Variants in KIF3A observed in about 807,000 individuals in gnomAD.
The protein encoded by KIF3A is kinesin family member 3A.
KIF3A carries 27 observed loss-of-function variants against 92.6 expected under a neutral mutation model. The ratio of observed to expected loss-of-function variants is 0.29; its 90% CI spans 0.21 to 0.40. The LOEUF (loss-of-function observed/expected upper bound fraction) is 0.40, where lower values mean the gene tolerates loss of function less well. KIF3A is among the 10% of genes least tolerant of loss of function. KIF3A has a pLI of 1.00. For synonymous variants in KIF3A, 250 were observed against 275.4 expected, an observed-to-expected ratio of 0.91 and a Z score of 0.92; for missense variants, 581 against 872.6, an observed-to-expected ratio of 0.67 and a Z score of 4.21.
intron 10 of KIF3A, among the ~76,000 whole-genome samples, chr5:132,708,281 CAAAAAAAA>C (rs58058674): frequency 1.5e-5 from 1 of 66,480 alleles, no homozygotes; most frequent in Non-Finnish European, 3.6e-5. Context: ...GACTCCGTCT[CAAAAAAAA>C]AAAAAAAAAA....
At position 132,726,429 on chromosome 5, in the gene KIF3A, G is replaced by A; in HGVS notation, c.350C>T (p.Pro117Leu). ...ATTGGGAATTATTCCTCTAAGTTCAGGAATAGCTCGAACACCTTCCATGGT... is the reference window on the plus strand; with the variant it reads ...ATTGGGAATTATTCCTCTAAGTTCAAGAATAGCTCGAACACCTTCCATGGT... The part of the protein sequence containing the change: ...TFTMEGVRAI[P>L]ELRGIIPNSF... Residue 117 changes from proline (P) to leucine (L), a missense_variant, in exon 3 of 19, where the codon CCT (proline) becomes CTT (leucine). Around this residue, in one of 5 missense-constraint regions of KIF3A, gnomAD observed 217 missense variants for 299.7 expected, o/e 0.72. Transcript: ENST00000403231. 1 of 1,613,692 alleles carries A rather than the reference G, an allele frequency of 6.2e-7. No homozygotes were observed.
intron 12 of KIF3A, 34 bp from the exon 13 acceptor site, chr5:132,703,099 T>C (rs764753425): frequency 4.0e-6 from 6 of 1,517,564 alleles, no homozygotes; most frequent in Non-Finnish European, 5.3e-6. Context: ...CTATATTCAC[T>C]GATGATCTAT....
chr5:132,700,590 C>G, intron 16 of KIF3A, 57 bp downstream of exon 16: 1 of 1,210,844 alleles, frequency 8.3e-7, no homozygotes, highest in Non-Finnish European at 1.2e-6. Flanking sequence ...AGCACAATTT[C>G]TAGACCATAG....
chr5:132,723,329 C>A (rs1753891191), intron 4 of KIF3A: 1 of 152,180 alleles, frequency 6.6e-6, no homozygotes, highest in Admixed American at 6.5e-5. Flanking sequence ...CAAAAAAGAG[C>A]CCGCATTGCC....
rs1376952407 is a variant in KIF3A, at chr5:132,696,561, C to G, written c.*73G>C. 8.3e-6 allele frequency: 7 copies of G among 844,760 alleles called. No individual in the cohort carries two copies. In the East Asian group the frequency reaches 1.7e-4, roughly 21 times the overall value. 52.3% of individuals were successfully genotyped at this position (844,760 alleles called of 1,614,324 possible). A position where few individuals can be genotyped will look rare whatever the true frequency, so the allele number is the denominator to read the frequency against. Reference sequence around the variant, plus strand: ...AATTGAAATTATAGAGAAGTCTTCACTGTTTTAATTAAAGATTTTGTCCAG... The same window carrying G: ...AATTGAAATTATAGAGAAGTCTTCAGTGTTTTAATTAAAGATTTTGTCCAG... On this transcript the variant is annotated 3_prime_UTR_variant, in exon 19 of 19. Coordinates refer to ENST00000403231, the MANE Select transcript of KIF3A (RefSeq NM_001300791.2).
downstream of KIF3A, among the ~76,000 whole-genome samples, chr5:132,691,988 T>TA (rs963411309): frequency 8.1e-5 from 12 of 148,096 alleles, no homozygotes; most frequent in Admixed American, 2.7e-4. Context: ...AAAATTTAAT[T>TA]AAAAAAAAAG....
intron 11 of KIF3A, 125 bp downstream of exon 11, chr5:132,706,326 A>T: frequency 1.8e-6 from 1 of 547,124 alleles, no homozygotes; most frequent in Non-Finnish European, 2.9e-6. Flanking sequence ...TGTTAAAAAT[A>T]CAAAAGATAG....
At chr5:132,732,342 T>C (rs1461481056) in intron 2 of KIF3A, among the ~76,000 whole-genome samples, 1 of 152,212 alleles carries the variant, frequency 6.6e-6, no homozygotes, top group Non-Finnish European at 1.5e-5. Flanking sequence ...TAAACATATG[T>C]TCACACAAAA....
Position 132,710,960 on chromosome 5 carries a change from C to T in KIF3A, c.1227G>A (p.Arg409=). The part of the protein sequence containing the change: ...GEDGEKRKKR[R]GSSSSSSSDS... ...ATCAGATTACTAAACAGAACTTACCCCTTCTTTTTTTCCTTTTCTCTCCAT... is the reference window on the plus strand; with the variant it reads ...ATCAGATTACTAAACAGAACTTACCTCTTCTTTTTTTCCTTTTCTCTCCAT... The change falls in exon 9 of 19, where the codon AGG becomes AGA. Residue 409 remains arginine (R), a splice_region_variant and synonymous_variant. Coordinates refer to ENST00000403231, the MANE Select transcript of KIF3A (RefSeq NM_001300791.2). 6.2e-7 allele frequency: 1 copy of T among 1,613,608 alleles called. No homozygotes were observed.
intron 13 of KIF3A, 69 bp from the exon 14 acceptor site, chr5:132,702,737 A>G (rs1363157171): frequency 1.5e-6 from 2 of 1,332,058 alleles, no homozygotes; most frequent in Non-Finnish European, 2.1e-6. Context: ...TCTTTAACAA[A>G]TGACATAAAT....
intron 17 of KIF3A, 99 bp from the exon 18 acceptor site, chr5:132,699,394 C>A (rs1752950109): frequency 8.3e-7 from 1 of 1,211,260 alleles, no homozygotes. Flanking sequence ...TTGATCAAAC[C>A]CACAGAAGCT....
intron 5 of KIF3A, among the ~76,000 whole-genome samples, chr5:132,720,153 G>A (rs1035816128): frequency 1.3e-5 from 2 of 152,176 alleles, no homozygotes; most frequent in African/African-American, 4.8e-5. Flanking sequence ...TGGCTTAGGT[G>A]TGATCACTCA....
chr5:132,732,153 T>A (rs1190988874), intron 2 of KIF3A, among the ~76,000 whole-genome samples: 1 of 152,166 alleles, frequency 6.6e-6, no homozygotes, highest in African/African-American at 2.4e-5. Flanking sequence ...AGGGCAGTCA[T>A]CAAAAAGACA....
Position 132,716,278 on chromosome 5 carries a change from C to T in KIF3A, c.921G>A (p.Gln307=). The change falls in exon 7 of 19, where the codon CAG becomes CAA. Residue 307 remains glutamine (Q), a synonymous_variant. Coordinates refer to ENST00000403231, the MANE Select transcript of KIF3A (RefSeq NM_001300791.2). ...YRNSKLTRLL[Q]DSLGGNSKTM... Reference sequence around the variant, plus strand: ...TTTTTGAATTTCCTCCTAAGGAATCCTGAAGAAGACGAGTCAGTTTAGAGT... The same window carrying T: ...TTTTTGAATTTCCTCCTAAGGAATCTTGAAGAAGACGAGTCAGTTTAGAGT... The T allele has an allele frequency of 1.2e-6, 2 of 1,613,926 alleles. No homozygotes were observed. Among genetic ancestry groups the T allele is most frequent in the South Asian group, 1.1e-5 (1 of 91,062 alleles).
intron 16 of KIF3A, 174 bp from the exon 17 acceptor site, chr5:132,700,458 T>C (rs1029222355): frequency 1.5e-6 from 1 of 649,486 alleles, no homozygotes; most frequent in Middle Eastern, 2.5e-4. Context: ...CTCTGACCAT[T>C]TCCACCCAGA....
At chr5:132,691,885 A>G (rs1752673639), downstream of KIF3A, among the ~76,000 whole-genome samples, 1 of 151,874 alleles carries the variant, frequency 6.6e-6, no homozygotes, top group Non-Finnish European at 1.5e-5. Flanking sequence ...CCGGGCAACA[A>G]GAGCAAAACT....
At chr5:132,691,934 A>T (rs1466542840), downstream of KIF3A, among the ~76,000 whole-genome samples, 1 of 148,140 alleles carries the variant, frequency 6.8e-6, no homozygotes, top group Non-Finnish European at 1.5e-5. Flanking sequence ...AAAATAATAA[A>T]TAAAATAAAA....
chr5:132,725,057 T>C (rs1193732187), intron 4 of KIF3A, among the ~76,000 whole-genome samples: 1 of 151,056 alleles, frequency 6.6e-6, no homozygotes, highest in Non-Finnish European at 1.5e-5. Flanking sequence ...TTGACAAGAA[T>C]GTTCCTGAGA....
In KIF3A at chr5:132,726,028, A is replaced by G. The variant is rs1581096385; in HGVS notation, c.510+100T>C. On this transcript the variant is annotated intron_variant, in intron 4 of 18. Coordinates refer to ENST00000403231, the MANE Select transcript of KIF3A (RefSeq NM_001300791.2). ...ATATATGTACGAGATTATTTAAAAT[A>G]TAAAAAGCAACTTTTGTTTAAAAAA... The G allele has an allele frequency of 7.8e-6, 6 of 768,474 alleles. No individual in the cohort carries two copies. In the East Asian group the frequency reaches 1.3e-4, roughly 17 times the overall value. The allele number at this position is 768,474 out of a possible 1,614,324, so 47.6% of individuals were successfully genotyped here.
Sources: gnomAD v4.1 joint callset for allele counts (sites outside exome capture counted in the v4.1 genomes callset) on GRCh38, gnomAD v4.1.1 for gene constraint, gnomAD v4.1.1 regional missense constraint, MANE v1.5 for transcripts, NCBI Gene and HGNC (gene_info 2026-07-23, HGNC 2026-07-21) for gene names.